The following BMPER variants were observed in gnomAD, a reference collection of about 807,000 sequenced individuals.
BMPER encodes the protein BMP binding endothelial regulator, also known as BMP-binding endothelial regulator protein.
In BMPER, 45 loss-of-function variants were observed where a neutral mutation model predicts 87.3. That is an observed-to-expected ratio of 0.52 (90% CI 0.41 to 0.66). The LOEUF (loss-of-function observed/expected upper bound fraction) is 0.66, where lower values mean the gene tolerates loss of function less well. BMPER is among the 30% of genes least tolerant of loss of function. BMPER has a pLI of 0.00. For missense variants in BMPER, 784 were observed against 867.5 expected, an observed-to-expected ratio of 0.90 and a Z score of 1.21; for synonymous variants, 326 against 316.2, an observed-to-expected ratio of 1.03 and a Z score of -0.33.
intron 6 of BMPER, among the ~76,000 whole-genome samples, chr7:33,981,337 T>A (rs1671285752): frequency 6.6e-6 from 1 of 152,158 alleles, no homozygotes; most frequent in Admixed American, 6.5e-5. Flanking sequence ...CTTTTTCCTT[T>A]TCTTCCCATT....
At chr7:34,067,919 G>A (rs539726553) in intron 11 of BMPER, among the ~76,000 whole-genome samples, 7 of 152,320 alleles carry the variant, frequency 4.6e-5, no homozygotes, top group Admixed American at 2.6e-4. Context: ...GAAGTTATTA[G>A]GAATCACCTT....
intron 2 of BMPER, among the ~76,000 whole-genome samples, chr7:33,923,563 G>T (rs928538264): frequency 6.6e-6 from 1 of 152,192 alleles, no homozygotes; most frequent in South Asian, 2.1e-4. Context: ...AGCCTCTCCT[G>T]TGAGCCTCAA....
chr7:34,117,914 T>A (rs1790157630), intron 13 of BMPER, among the ~76,000 whole-genome samples: 1 of 152,248 alleles, frequency 6.6e-6, no homozygotes, highest in Non-Finnish European at 1.5e-5. Flanking sequence ...CATAAACCTC[T>A]GAAAATCCCT....
chr7:34,119,014 T>TCACACACACACACACACA (rs138792693), intron 13 of BMPER, among the ~76,000 whole-genome samples: 4,372 of 135,730 alleles, frequency 0.032, 125 homozygotes, highest in South Asian at 0.099. Context: ...TCTCTCTCTC[T>TCACACACACACACACACA]CACACACACA....
chr7:33,947,668 G>A (rs1461905013), intron 3 of BMPER, among the ~76,000 whole-genome samples: 1 of 152,186 alleles, frequency 6.6e-6, no homozygotes. Flanking sequence ...AGCAAAACAT[G>A]CATTGTGAAA....
At chr7:34,051,575 AGGGGAGCTCATGTCTTAGTGATTTT>A (rs1183968668) in intron 7 of BMPER, among the ~76,000 whole-genome samples, 1 of 152,136 alleles carries the variant, frequency 6.6e-6, no homozygotes, top group Non-Finnish European at 1.5e-5. Flanking sequence ...GAGCTCCATG[AGGGGAGCTCATGTCTTAGTGATTTT>A]GGTTCACTGT....
intron 2 of BMPER, among the ~76,000 whole-genome samples, chr7:33,919,655 C>T (rs910831371): frequency 6.6e-6 from 1 of 152,190 alleles, no homozygotes; most frequent in African/African-American, 2.4e-5. Flanking sequence ...GGTCATTAAA[C>T]TCAGCACACA....
intron 3 of BMPER, among the ~76,000 whole-genome samples, chr7:33,942,502 A>G (rs1388478967): frequency 6.6e-6 from 1 of 152,216 alleles, no homozygotes; most frequent in African/African-American, 2.4e-5. Context: ...CTGCTGTATC[A>G]GCAGCACCCA....
chr7:34,005,266 TA>T (rs544213036), intron 6 of BMPER, among the ~76,000 whole-genome samples: 51 of 152,036 alleles, frequency 3.4e-4, no homozygotes, highest in Non-Finnish European at 6.5e-4. Context: ...CTATGATTGT[TA>T]AGCTATTGTT....
intron 11 of BMPER, among the ~76,000 whole-genome samples, chr7:34,076,903 T>C (rs2127972954): frequency 6.6e-6 from 1 of 152,130 alleles, no homozygotes; most frequent in South Asian, 2.1e-4. Context: ...CAAGCTGAGG[T>C]CCATCTGTAG....
chr7:34,059,774 G>A lies in BMPER; in HGVS notation c.1032+1611G>A, dbSNP rs1788385636. On this transcript the variant is annotated intron_variant, in intron 10 of 14. Coordinates refer to ENST00000649409, the MANE Select transcript of BMPER (RefSeq NM_001365308.1). Reference sequence around the variant, plus strand: ...AAAAAAAAAAAAGAGATAGAGAGGAGGAGCTTGTATTCCCTGCTCTGTCTT... The same window carrying A: ...AAAAAAAAAAAAGAGATAGAGAGGAAGAGCTTGTATTCCCTGCTCTGTCTT... Among the ~76,000 whole-genome samples, 5 of 151,410 alleles carry A rather than the reference G, an allele frequency of 3.3e-5. No homozygotes were observed. In the South Asian group the frequency reaches 1.0e-3, roughly 32 times the overall value.
intron 6 of BMPER, among the ~76,000 whole-genome samples, chr7:34,007,355 A>C (rs1317906571): frequency 6.6e-6 from 1 of 152,078 alleles, no homozygotes; most frequent in African/African-American, 2.4e-5. Flanking sequence ...TCACATGCAC[A>C]TGTACATTCC....
At chr7:34,003,617 G>A (rs74842635) in intron 6 of BMPER, among the ~76,000 whole-genome samples, 2,528 of 152,110 alleles carry the variant, frequency 0.017, 77 homozygotes, top group African/African-American at 0.058. Flanking sequence ...ATATCTGCTA[G>A]TAATGAATTC....
At chr7:34,139,360 C>T (rs940994000) in intron 13 of BMPER, among the ~76,000 whole-genome samples, 3 of 152,216 alleles carry the variant, frequency 2.0e-5, no homozygotes, top group African/African-American at 7.2e-5. Flanking sequence ...AATAGAAGCT[C>T]TCATTTACTC....
chr7:34,129,539 A>G (rs1349561804), intron 13 of BMPER, among the ~76,000 whole-genome samples: 2 of 150,322 alleles, frequency 1.3e-5, no homozygotes, highest in Non-Finnish European at 3.0e-5. Context: ...GCTGTCTCAA[A>G]AAAAAAGAGA....
Position 34,043,744 on chromosome 7 carries a change from G to A in BMPER, c.577-2562G>A, listed in dbSNP as rs571448683. Among the ~76,000 whole-genome samples, 3 of 152,270 alleles carry A rather than the reference G, an allele frequency of 2.0e-5. No individual in the cohort carries two copies. The South Asian group carries it at 6.2e-4, about 32-fold the overall frequency. On this transcript the variant is annotated intron_variant, in intron 6 of 14. Coordinates refer to ENST00000649409, the MANE Select transcript of BMPER (RefSeq NM_001365308.1). Reference sequence around the variant, plus strand: ...CAAATGTTTAATAAAATAATGGAATGATGGATAGATGCTGGAAAGAAGGCC... The same window carrying A: ...CAAATGTTTAATAAAATAATGGAATAATGGATAGATGCTGGAAAGAAGGCC...
rs55748957 is a variant in BMPER at position 34,082,328 on chromosome 7, GTT to G, written c.1408+3160_1408+3161del. 1.1e-3 allele frequency among the ~76,000 whole-genome samples: 133 copies of G among 116,418 alleles called. 1 individual carries two copies. Among genetic ancestry groups the G allele is most frequent in the African/African-American group, 3.9e-3 (122 of 31,294 alleles). The allele number at this position is 116,418 out of a possible 152,430, so 76.4% of individuals were successfully genotyped here. On this transcript the variant is annotated intron_variant, in intron 12 of 14. Transcript: ENST00000649409. The stretch of plus-strand genomic sequence containing the variant: ...CAATTCCCTCAATTACAACTTATTA[GTT>G]TTTTTTTTTTTTTTTTTGGTCTTTC...
Position 34,055,294 on chromosome 7 carries a change from G to C in BMPER, c.918G>C (p.Lys306Asn). 6.2e-7 allele frequency: 1 copy of C among 1,614,028 alleles called. No homozygotes were observed. The highest frequency in any genetic ancestry group is 8.5e-7 in the Non-Finnish European group (1 of 1,180,004). The change falls in exon 9 of 15, where the codon AAG (lysine) becomes AAC (asparagine). Residue 306 changes from lysine to asparagine, a missense_variant. Lys to Asn is a moderately conservative substitution (Grantham distance 94). Transcript: ENST00000649409. ...EDIKVCKFGN[K>N]IFQDGEMWSS... is the part of the protein sequence containing the mutation. Reference sequence around the variant, plus strand: ...TCAAAGTATGCAAATTTGGCAACAAGATTTTCCAGGTATGTCATGAGACAA... The same window carrying C: ...TCAAAGTATGCAAATTTGGCAACAACATTTTCCAGGTATGTCATGAGACAA...
intron 3 of BMPER, among the ~76,000 whole-genome samples, chr7:33,949,960 G>C (rs1784981900): frequency 6.6e-6 from 1 of 152,158 alleles, no homozygotes; most frequent in Non-Finnish European, 1.5e-5. Context: ...TTAAAATCAT[G>C]CTTCACAAAA....
Sources: gnomAD v4.1 joint callset for allele counts (sites outside exome capture counted in the v4.1 genomes callset) on GRCh38, gnomAD v4.1.1 for gene constraint, MANE v1.5 for transcripts, NCBI Gene and HGNC (gene_info 2026-07-23, HGNC 2026-07-21) for gene names.